The following TUSC3 variants were observed in gnomAD, a reference collection of about 807,000 sequenced individuals.
TUSC3 encodes dolichyl-diphosphooligosaccharide--protein glycosyltransferase subunit TUSC3.
TUSC3 carries 45 observed loss-of-function variants against 44.8 expected under a neutral mutation model. The observed-to-expected ratio is 1.00, with a 90% CI of 0.79 to 1.29. TUSC3 has a LOEUF of 1.29. Among genes scored for constraint, TUSC3 ranks in the 50% most tolerant of loss-of-function variants. The pLI is 0.00. For missense variants in TUSC3, 519 were observed against 437.9 expected (o/e 1.19, Z -1.65); for synonymous variants, 212 against 152.9 (o/e 1.39, Z -2.85).
intron 2 of TUSC3, among the ~76,000 whole-genome samples, chr8:15,640,179 G>T (rs1452946367): frequency 6.6e-6 from 1 of 152,160 alleles, no homozygotes; most frequent in African/African-American, 2.4e-5. Context: ...CACCTACCAT[G>T]CAGAGGGCAT....
intron 1 of TUSC3, among the ~76,000 whole-genome samples, chr8:15,572,469 T>C (rs909865822): frequency 3.9e-5 from 6 of 152,202 alleles, no homozygotes; most frequent in African/African-American, 9.6e-5. Context: ...ATTTAAACTT[T>C]CTCTGTATCA....
intron 3 of TUSC3, among the ~76,000 whole-genome samples, chr8:15,658,776 T>C (rs1193200625): frequency 1.3e-5 from 2 of 151,972 alleles, no homozygotes; most frequent in African/African-American, 4.8e-5. Context: ...TATATGTTTT[T>C]AGATATTGTT....
intron 2 of TUSC3, among the ~76,000 whole-genome samples, chr8:15,496,700 A>G (rs1003253629): frequency 6.6e-6 from 1 of 152,158 alleles, no homozygotes; most frequent in Admixed American, 6.5e-5. Context: ...TGGAAGAAGC[A>G]TCTACATCAC....
intron 1 of TUSC3, among the ~76,000 whole-genome samples, chr8:15,452,964 C>T (rs1455799182): frequency 1.3e-5 from 2 of 151,920 alleles, no homozygotes; most frequent in African/African-American, 4.8e-5. Flanking sequence ...ACCACCAGAC[C>T]AGATAGCGAC....
intron 2 of TUSC3, among the ~76,000 whole-genome samples, chr8:15,649,158 G>T (rs1312891415): frequency 1.3e-5 from 2 of 152,030 alleles, no homozygotes; most frequent in African/African-American, 2.4e-5. Flanking sequence ...TTTAGAGTCT[G>T]TTTGTTTTGG....
In TUSC3 at chr8:15,650,692, A is replaced by G. The variant is rs760274974; in HGVS notation, c.309-5A>G. 2 of 1,612,316 alleles carry G rather than the reference A, an allele frequency of 1.2e-6. No homozygotes were observed. The highest frequency in any genetic ancestry group is 1.7e-6 in the Non-Finnish European group (2 of 1,178,512). ...GTTTCTACTATGGCCCATTATTCTT[A>G]TCAGGCAAGCTAATGAAGAATATCA... On this transcript the variant is annotated splice_region_variant and splice_polypyrimidine_tract_variant and intron_variant, in intron 2 of 10. Transcript: ENST00000503731.
the TUSC3 span, among the ~76,000 whole-genome samples, chr8:15,849,947 T>C: frequency 6.6e-6 from 1 of 152,050 alleles, no homozygotes; most frequent in South Asian, 2.1e-4. Context: ...GAAACCTGAG[T>C]GCTTAGAGCA....
rs575588940 is a variant in TUSC3, at chr8:15,455,027, C to T, written n.92-28359C>T. ...GGGGAATCTTAGGGGTTGGAGGGTA[C>T]AAGATGTTTTGAGATCTTTGGGGAA... is the stretch of plus-strand genomic sequence containing the variant. On this transcript the variant is annotated intron_variant and non_coding_transcript_variant, in intron 1 of 5. Coordinates refer to the TUSC3 transcript ENST00000503191. 2.6e-5 allele frequency among the ~76,000 whole-genome samples: 4 copies of T among 152,164 alleles called. No individual in the cohort carries two copies. In the East Asian group the frequency reaches 5.8e-4, roughly 22 times the overall value.
chr8:15,529,859 G>A (rs1264429223), intron 2 of TUSC3, among the ~76,000 whole-genome samples: 3 of 109,238 alleles, frequency 2.7e-5, no homozygotes. Flanking sequence ...CTGCAATGGC[G>A]CAATCTCGGC....
intron 1 of TUSC3, among the ~76,000 whole-genome samples, chr8:15,442,913 CG>C (rs1800039393): frequency 6.6e-6 from 1 of 152,074 alleles, no homozygotes; most frequent in Non-Finnish European, 1.5e-5. Context: ...TTCTCTCCCC[CG>C]ACTCTTATTA....
At chr8:15,797,814 T>G in the TUSC3 span, among the ~76,000 whole-genome samples, 1 of 152,328 alleles carries the variant, frequency 6.6e-6, no homozygotes, top group Admixed American at 6.5e-5. Flanking sequence ...TGTAATGAAT[T>G]CAATCACCTT....
intron 6 of TUSC3, among the ~76,000 whole-genome samples, chr8:15,682,579 G>A (rs543836539): frequency 2.0e-5 from 3 of 152,056 alleles, no homozygotes; most frequent in South Asian, 2.1e-4. Context: ...TATTGGAGAC[G>A]GAACATATTT....
At chr8:15,681,881 T>A (rs1030270318) in intron 6 of TUSC3, among the ~76,000 whole-genome samples, 1 of 152,114 alleles carries the variant, frequency 6.6e-6, no homozygotes, top group African/African-American at 2.4e-5. Flanking sequence ...GTCATTTGAT[T>A]CAAAGAATTT....
intron 1 of TUSC3, among the ~76,000 whole-genome samples, chr8:15,621,108 C>G (rs1805225827): frequency 6.6e-6 from 1 of 151,452 alleles, no homozygotes; most frequent in African/African-American, 2.4e-5. Context: ...AGTGGATTAC[C>G]CTGCTTGATT....
chr8:15,719,199 G>C (rs1459226613), intron 6 of TUSC3, among the ~76,000 whole-genome samples: 2 of 151,968 alleles, frequency 1.3e-5, no homozygotes, highest in African/African-American at 2.4e-5. Flanking sequence ...TAACATCTAA[G>C]TCTTCACCAG....
At chr8:15,543,061 C>T (rs1308656847) in intron 1 of TUSC3, among the ~76,000 whole-genome samples, 1 of 152,126 alleles carries the variant, frequency 6.6e-6, no homozygotes, top group Non-Finnish European at 1.5e-5. Flanking sequence ...AAGGGAAACA[C>T]GCTATATTGG....
chr8:15,690,609 T>C (rs1808856873), intron 6 of TUSC3, among the ~76,000 whole-genome samples: 1 of 152,220 alleles, frequency 6.6e-6, no homozygotes, highest in African/African-American at 2.4e-5. Flanking sequence ...TCCTGTGTTA[T>C]CTTCTAGGAG....
At chr8:15,843,798 T>C in the TUSC3 span, among the ~76,000 whole-genome samples, 1 of 152,036 alleles carries the variant, frequency 6.6e-6, no homozygotes, top group African/African-American at 2.4e-5. Flanking sequence ...TACAAAGATG[T>C]CTTATGAAAC....
At chr8:15,468,143 G>A (rs1377007235) in intron 1 of TUSC3, among the ~76,000 whole-genome samples, 1 of 152,180 alleles carries the variant, frequency 6.6e-6, no homozygotes, top group Non-Finnish European at 1.5e-5. Flanking sequence ...CAGAATTGAA[G>A]AGTATCATAT....
Sources: allele counts gnomAD v4.1 joint callset (sites outside exome capture counted in the v4.1 genomes callset), GRCh38; gene constraint gnomAD v4.1.1; transcripts MANE v1.5; gene names NCBI Gene and HGNC (gene_info 2026-07-23, HGNC 2026-07-21).